Variants in PDE4D observed in about 807,000 individuals in gnomAD.
PDE4D encodes phosphodiesterase 4D.
A neutral mutation model predicts 87.4 loss-of-function variants in PDE4D; 24 were observed. The observed-to-expected ratio is 0.27, with a 90% CI of 0.20 to 0.39. The LOEUF (loss-of-function observed/expected upper bound fraction) is 0.39. PDE4D is among the 10% of genes least tolerant of loss of function. The probability of loss-of-function intolerance (pLI) is 1.00; values close to 1 mark genes in which losing one functional copy is unlikely to be tolerated. For synonymous variants in PDE4D, 384 were observed against 383.2 expected (o/e 1.00, Z -0.02); for missense variants, 714 against 1,041.0 (o/e 0.69, Z 4.32).
Position 58,974,087 on chromosome 5 carries a change from ATC to A in PDE4D, c.*575_*576del, listed in dbSNP as rs1294255231. The A allele has an allele frequency of 2.0e-5, 3 of 152,596 alleles. No homozygotes were observed. Among genetic ancestry groups the A allele is most frequent in the African/African-American group, 7.2e-5 (3 of 41,442 alleles). The allele number at this position is 152,596 out of a possible 1,614,324, so 9.5% of individuals were successfully genotyped here. ...ATAATAAAAGTAAGCTCTACAAAAA[ATC>A]TGTTTTACATATCATACAAAATGTA... On this transcript the variant is annotated 3_prime_UTR_variant, in exon 15 of 15. Transcript: ENST00000340635.
intron 1 of PDE4D, among the ~76,000 whole-genome samples, chr5:59,390,297 A>G (rs947981818): frequency 6.6e-6 from 1 of 152,152 alleles, no homozygotes; most frequent in African/African-American, 2.4e-5. Flanking sequence ...CAATTTCTCA[A>G]GAAGTTATTT....
intron 1 of PDE4D, among the ~76,000 whole-genome samples, chr5:59,888,683 T>C (rs1750515420): frequency 6.6e-6 from 1 of 152,170 alleles, no homozygotes; most frequent in African/African-American, 2.4e-5. Flanking sequence ...TTCACTGATG[T>C]AGACAATCTG....
At chr5:59,036,405 A>G (rs1235781786) in intron 6 of PDE4D, among the ~76,000 whole-genome samples, 2 of 152,246 alleles carry the variant, frequency 1.3e-5, no homozygotes, top group Non-Finnish European at 2.9e-5. Flanking sequence ...AAAACTAACA[A>G]CTGAAAAGCA....
At chr5:59,943,724 C>T (rs954962701) in intron 3 of PDE4D, among the ~76,000 whole-genome samples, 4 of 152,216 alleles carry the variant, frequency 2.6e-5, no homozygotes, top group African/African-American at 9.6e-5. Context: ...GAACTCTCTC[C>T]TGAATCTGGT....
At chr5:59,723,495 T>C (rs1208058164) in intron 1 of PDE4D, among the ~76,000 whole-genome samples, 1 of 152,132 alleles carries the variant, frequency 6.6e-6, no homozygotes, top group African/African-American at 2.4e-5. Flanking sequence ...TTTACTAATG[T>C]GGATAAATAC....
intron 1 of PDE4D, among the ~76,000 whole-genome samples, chr5:59,647,644 A>C (rs1438689377): frequency 6.6e-6 from 1 of 152,144 alleles, no homozygotes; most frequent in Non-Finnish European, 1.5e-5. Context: ...ATGGAAGCTG[A>C]AGGTTTACAG....
chr5:60,357,867 G>A (rs1759750715), intron 1 of PDE4D, among the ~76,000 whole-genome samples: 1 of 152,046 alleles, frequency 6.6e-6, no homozygotes, highest in Non-Finnish European at 1.5e-5. Flanking sequence ...ACTGAACTTA[G>A]GTGGCCAGTT....
intron 2 of PDE4D, among the ~76,000 whole-genome samples, chr5:60,113,020 GA>G (rs1370431836): frequency 6.6e-6 from 1 of 152,100 alleles, no homozygotes; most frequent in Admixed American, 6.6e-5. Context: ...TTCATTTGAA[GA>G]GGATGTTCCA....
intron 1 of PDE4D, among the ~76,000 whole-genome samples, chr5:59,243,190 T>A (rs1758033191): frequency 6.6e-6 from 1 of 152,056 alleles, no homozygotes; most frequent in African/African-American, 2.4e-5. Flanking sequence ...TAAAATCACC[T>A]CAACTATTGA....
intron 1 of PDE4D, among the ~76,000 whole-genome samples, chr5:60,334,829 C>T (rs539559282): frequency 3.3e-5 from 5 of 152,236 alleles, no homozygotes; most frequent in African/African-American, 9.6e-5. Flanking sequence ...GGAATAAATA[C>T]GATTCTAGAT....
intron 2 of PDE4D, among the ~76,000 whole-genome samples, chr5:60,135,518 A>C (rs954957321): frequency 1.3e-5 from 2 of 152,214 alleles, no homozygotes; most frequent in Non-Finnish European, 2.9e-5. Flanking sequence ...GGAAGGGAAA[A>C]GGAAAAACCA....
At chr5:60,445,295 C>A (rs1422869476) in intron 1 of PDE4D, among the ~76,000 whole-genome samples, 1 of 151,902 alleles carries the variant, frequency 6.6e-6, no homozygotes, top group East Asian at 1.9e-4. Flanking sequence ...TGCTGTCCAA[C>A]AAAAAGAGAA....
intron 3 of PDE4D, among the ~76,000 whole-genome samples, chr5:59,914,748 A>G (rs1753835927): frequency 6.6e-6 from 1 of 152,060 alleles, no homozygotes; most frequent in Admixed American, 6.6e-5. Flanking sequence ...GGAGATACAT[A>G]TAGCAGATTG....
chr5:59,412,860 T>G (rs1359124259), intron 1 of PDE4D, among the ~76,000 whole-genome samples: 1 of 152,186 alleles, frequency 6.6e-6, no homozygotes, highest in Non-Finnish European at 1.5e-5. Flanking sequence ...AGGTATAAGG[T>G]TAAGCTTAAG....
chr5:59,736,411 G>T (rs1434360709), intron 1 of PDE4D, among the ~76,000 whole-genome samples: 1 of 152,094 alleles, frequency 6.6e-6, no homozygotes, highest in African/African-American at 2.4e-5. Context: ...GGGTGCAGTG[G>T]CACACTCTTA....
chr5:58,979,300 T>C (rs554386099), intron 11 of PDE4D, among the ~76,000 whole-genome samples: 126 of 152,288 alleles, frequency 8.3e-4, no homozygotes, highest in African/African-American at 2.7e-3. Context: ...AGAGTCCAGA[T>C]TGGCTAGAAA....
intron 1 of PDE4D, among the ~76,000 whole-genome samples, chr5:59,304,526 G>A (rs1471106819): frequency 6.6e-6 from 1 of 152,140 alleles, no homozygotes; most frequent in African/African-American, 2.4e-5. Context: ...TACGTTGGCT[G>A]TGGGTTTGTC....
chr5:59,157,434 T>A (rs1252363238), intron 5 of PDE4D: 2 of 696,632 alleles, frequency 2.9e-6, no homozygotes, highest in Non-Finnish European at 5.2e-6. Context: ...GTTACTGGGA[T>A]AAGAGTTACT....
chr5:60,456,955 G>C (rs1746517999), intron 1 of PDE4D, among the ~76,000 whole-genome samples: 1 of 152,194 alleles, frequency 6.6e-6, no homozygotes, highest in East Asian at 1.9e-4. Context: ...CTAACTAAGA[G>C]AATAAACTAC....
Sources: allele counts gnomAD v4.1 joint callset (sites outside exome capture counted in the v4.1 genomes callset), GRCh38; gene constraint gnomAD v4.1.1; transcripts MANE v1.5; gene names NCBI Gene and HGNC (gene_info 2026-07-23, HGNC 2026-07-21).